Variants in LMOD1 observed in about 807,000 individuals in gnomAD.
LMOD1 encodes leiomodin 1.
Under a neutral mutation model 36.5 loss-of-function variants are expected in LMOD1, and 8 were observed. The observed-to-expected ratio is 0.22, with a 90% confidence interval of 0.13 to 0.40. The LOEUF (loss-of-function observed/expected upper bound fraction) is 0.40. Among genes scored for constraint, LMOD1 ranks in the 10% least tolerant of loss-of-function variants. The pLI is 1.00. For synonymous variants in LMOD1, 284 were observed against 288.7 expected, an observed-to-expected ratio of 0.98 and a Z score of 0.17; for missense variants, 630 against 751.1, an observed-to-expected ratio of 0.84 and a Z score of 1.88.
rs77445667 is a variant in LMOD1, at chr1:201,923,847, C to A, written c.261+22233G>T. On this transcript the variant is annotated intron_variant, in intron 1 of 2. Transcript: ENST00000367288. ...GCCACTGTATTCTAGCCTGGGTGAC[C>A]GGGAGTGTGATGCTGTCTCAACAAG... Among the ~76,000 whole-genome samples, 455 of 134,228 alleles carry A rather than the reference C, an allele frequency of 3.4e-3. 6 individuals are homozygous for A. The highest frequency in any genetic ancestry group is 0.029 in the East Asian group (124 of 4,338). The allele number at this position is 134,228 out of a possible 152,430, so 88.1% of individuals were successfully genotyped here.
chr1:201,899,787 C>G lies in LMOD1; in HGVS notation c.1226G>C (p.Arg409Pro), dbSNP rs572664263. The change falls in exon 2 of 3, where the codon CGG becomes CCG. Residue 409 changes from arginine (R) to proline (P), a missense_variant. This residue lies in a region of LMOD1 where 81 missense variants were observed against 180.6 expected (regional missense o/e 0.45). Coordinates refer to ENST00000367288, the MANE Select transcript of LMOD1 (RefSeq NM_012134.3). This position sits in a 1 kb window ranked among gnomAD's most constrained non-coding sequence, Gnocchi z 6.3. The part of the protein sequence containing the change: ...ITGKGILAIF[R>P]ALLQNNTLTE... ...CAGCGTGTTGTTCTGGAGGAGGGCC[C>G]GGAAGATGGCCAGGATGCCTTTGCC... 1 of 1,613,892 alleles carries G rather than the reference C, an allele frequency of 6.2e-7. No homozygotes were observed. Among genetic ancestry groups the G allele is most frequent in the African/African-American group, 1.3e-5 (1 of 74,932 alleles).
At chr1:201,935,183 T>C (rs1681994538) in intron 1 of LMOD1, among the ~76,000 whole-genome samples, 1 of 152,162 alleles carries the variant, frequency 6.6e-6, no homozygotes, top group Non-Finnish European at 1.5e-5. Context: ...ATGAGACCAG[T>C]TAGAAGGGTG....
At chr1:201,910,490 C>T (rs1182897526) in intron 1 of LMOD1, among the ~76,000 whole-genome samples, 1 of 152,036 alleles carries the variant, frequency 6.6e-6, no homozygotes, top group African/African-American at 2.4e-5. Context: ...CACCATGTTG[C>T]CCAGTCTGGT....
chr1:201,919,801 T>C (rs1282326909), intron 1 of LMOD1, among the ~76,000 whole-genome samples: 1 of 152,138 alleles, frequency 6.6e-6, no homozygotes, highest in Non-Finnish European at 1.5e-5. Flanking sequence ...GATCTTTTTG[T>C]CCACTAACCA....
In LMOD1 at chr1:201,917,621, G is replaced by T. The variant is rs989084436; in HGVS notation, c.262-16870C>A. On this transcript the variant is annotated intron_variant, in intron 1 of 2. Coordinates refer to ENST00000367288, the MANE Select transcript of LMOD1 (RefSeq NM_012134.3). ...AGCAAACCCCATTTTTGGAGAAACC[G>T]GGAAATCTCTTTGGGGAGATAAACA... Among the ~76,000 whole-genome samples the T allele has an allele frequency of 2.8e-5, 4 of 145,264 alleles. No homozygotes were observed. The East Asian group carries it at 7.8e-4, about 28-fold the overall frequency.
intron 1 of LMOD1, among the ~76,000 whole-genome samples, chr1:201,929,611 TG>T (rs1458962084): frequency 6.6e-6 from 1 of 152,232 alleles, no homozygotes; most frequent in African/African-American, 2.4e-5. Context: ...TTTGAGAAGT[TG>T]GATACAAAAT....
At chr1:201,907,427 G>C (rs1681429152) in intron 1 of LMOD1, among the ~76,000 whole-genome samples, 1 of 152,222 alleles carries the variant, frequency 6.6e-6, no homozygotes, top group African/African-American at 2.4e-5. Flanking sequence ...AGGGCAGGCA[G>C]TAGGGCCCCA....
At chr1:201,929,305 CT>C (rs766007134) in intron 1 of LMOD1, among the ~76,000 whole-genome samples, 6 of 151,890 alleles carry the variant, frequency 4.0e-5, no homozygotes, top group Non-Finnish European at 7.4e-5. Context: ...TGGTCTCAAA[CT>C]TCTGACTGCA....
At chr1:201,935,971 C>T (rs549270273) in intron 1 of LMOD1, among the ~76,000 whole-genome samples, 7 of 150,812 alleles carry the variant, frequency 4.6e-5, no homozygotes, top group Middle Eastern at 3.4e-3. Flanking sequence ...AAAAATTAGC[C>T]GGGCGTGGTG....
In LMOD1 at chr1:201,902,848, C is replaced by G. The variant is rs546853002; in HGVS notation, c.262-2097G>C. Among the ~76,000 whole-genome samples the G allele has an allele frequency of 1.4e-3, 206 of 152,244 alleles. 1 individual carries two copies. The highest frequency in any genetic ancestry group is 4.6e-3 in the African/African-American group (192 of 41,542). ...GAGCCTGAGCCCTGTTTTGAGAGCA[C>G]TTGCTTCTCGTCTTCATCAGAGAAG... On this transcript the variant is annotated intron_variant, in intron 1 of 2. Coordinates refer to ENST00000367288, the MANE Select transcript of LMOD1 (RefSeq NM_012134.3).
intron 1 of LMOD1, among the ~76,000 whole-genome samples, chr1:201,938,053 C>T (rs544017757): frequency 1.3e-5 from 2 of 151,964 alleles, no homozygotes; most frequent in African/African-American, 4.8e-5. Flanking sequence ...GTTTCCAACC[C>T]AGCACTCTGC....
At chr1:201,929,373 C>T (rs1040450390) in intron 1 of LMOD1, among the ~76,000 whole-genome samples, 5 of 152,128 alleles carry the variant, frequency 3.3e-5, no homozygotes, top group South Asian at 2.1e-4. Context: ...TGAGCCACCA[C>T]GCCTGGCAAG....
chr1:201,901,063 T>A lies in LMOD1; in HGVS notation c.262-312A>T, dbSNP rs1166893447. Among the ~76,000 whole-genome samples the A allele has an allele frequency of 2.0e-5, 3 of 152,172 alleles. No individual in the cohort carries two copies. The East Asian group carries it at 5.8e-4, about 29-fold the overall frequency. On this transcript the variant is annotated intron_variant, in intron 1 of 2. Transcript: ENST00000367288. ...GACCCAGAATTGCCCTTTCCTATCATGGGTGATTTAGAAGGACTGCTTCCA... is the reference window on the plus strand; with the variant it reads ...GACCCAGAATTGCCCTTTCCTATCAAGGGTGATTTAGAAGGACTGCTTCCA...
chr1:201,898,250 A>G lies in LMOD1; in HGVS notation c.*122T>C. On this transcript the variant is annotated 3_prime_UTR_variant, in exon 3 of 3. Transcript: ENST00000367288. ...GCGTGACCCAGGCCTGGACTCTCCC[A>G]TGGCAGAATAGGGACATCCACAGCA... The G allele has an allele frequency of 2.0e-6, 2 of 976,650 alleles. No individual in the cohort carries two copies. Among genetic ancestry groups the G allele is most frequent in the South Asian group, 1.4e-5 (1 of 72,242 alleles). The allele number at this position is 976,650 out of a possible 1,614,324, so 60.5% of individuals were successfully genotyped here.
intron 1 of LMOD1, among the ~76,000 whole-genome samples, chr1:201,926,433 C>G (rs547973414): frequency 1.2e-4 from 19 of 152,186 alleles, no homozygotes; most frequent in Admixed American, 5.9e-4. Flanking sequence ...AGAAGGAGCC[C>G]GTGCTGAGGC....
At chr1:201,901,511 A>AATATATATATATATATATGTATAT (rs1681300630) in intron 1 of LMOD1, among the ~76,000 whole-genome samples, 1 of 75,228 alleles carries the variant, frequency 1.3e-5, no homozygotes, top group Non-Finnish European at 2.3e-5. Context: ...TCAAAAAAAA[A>AATATATATATATATATATGTATAT]ATATATATAT....
rs55994652 is a variant in LMOD1, at chr1:201,944,732, C to CG, written c.261+1347dup. Among the ~76,000 whole-genome samples, 690 of 146,952 alleles carry CG rather than the reference C, an allele frequency of 4.7e-3. 5 individuals carry two copies. Among genetic ancestry groups the CG allele is most frequent in the African/African-American group, 0.014 (531 of 39,326 alleles). On this transcript the variant is annotated intron_variant, in intron 1 of 2. Coordinates refer to ENST00000367288, the MANE Select transcript of LMOD1 (RefSeq NM_012134.3). ...AAAGGCTTAAACATAGGTGGTGGGG[C>CG]GGGGGGGGGCGGTAGGGACAGAGAC...
At chr1:201,927,567 AAAAC>A (rs1163395359) in intron 1 of LMOD1, among the ~76,000 whole-genome samples, 2 of 148,608 alleles carry the variant, frequency 1.3e-5, no homozygotes, top group African/African-American at 2.5e-5. Flanking sequence ...TCCATCTCAA[AAAAC>A]AAACAAACAA....
chr1:201,910,688 G>T (rs1027309483), intron 1 of LMOD1, among the ~76,000 whole-genome samples: 1 of 144,226 alleles, frequency 6.9e-6, no homozygotes, highest in Non-Finnish European at 1.5e-5. Context: ...CTCAGGGGGA[G>T]TTACAGTTTC....
Sources: gnomAD v4.1 joint callset for allele counts (sites outside exome capture counted in the v4.1 genomes callset) on GRCh38, gnomAD v4.1.1 for gene constraint, gnomAD v4.1.1 regional missense constraint, Gnocchi (gnomAD v3.1) non-coding constraint, MANE v1.5 for transcripts, NCBI Gene and HGNC (gene_info 2026-07-23, HGNC 2026-07-21) for gene names.